Variants in PIK3R5 observed in about 807,000 individuals in gnomAD.
PIK3R5 encodes phosphoinositide-3-kinase regulatory subunit 5.
PIK3R5 carries 32 observed loss-of-function variants against 94.9 expected under a neutral mutation model. The ratio of observed to expected loss-of-function variants is 0.34; its 90% confidence interval spans 0.25 to 0.45. PIK3R5 has a LOEUF of 0.45. Among genes scored for constraint, PIK3R5 ranks in the 20% least tolerant of loss-of-function variants. The pLI, the probability that PIK3R5 is intolerant of heterozygous loss-of-function variation, is 1.00. For missense variants in PIK3R5, 853 were observed against 1,144.6 expected, an observed-to-expected ratio of 0.75 and a Z score of 3.68; for synonymous variants, 443 against 479.4, an observed-to-expected ratio of 0.92 and a Z score of 0.99.
At chr17:8,929,924 A>G (rs867911553) in intron 1 of PIK3R5, among the ~76,000 whole-genome samples, 4 of 152,218 alleles carry the variant, frequency 2.6e-5, no homozygotes, top group African/African-American at 7.2e-5. Context: ...CAATTCATTC[A>G]TGTAACCAAA....
At chr17:8,941,993 C>T (rs924524857) in intron 1 of PIK3R5, among the ~76,000 whole-genome samples, 4 of 152,146 alleles carry the variant, frequency 2.6e-5, no homozygotes, top group East Asian at 1.9e-4. Context: ...GTTAGATGGG[C>T]GTGGGGGCTT....
At chr17:8,934,014 C>T (rs186341404) in intron 1 of PIK3R5, among the ~76,000 whole-genome samples, 105 of 152,324 alleles carry the variant, frequency 6.9e-4, no homozygotes, top group African/African-American at 2.3e-3. Flanking sequence ...AAACTGAACG[C>T]TTTTCACCTA....
At chr17:8,942,645 G>A (rs571422453) in intron 1 of PIK3R5, among the ~76,000 whole-genome samples, 11 of 151,464 alleles carry the variant, frequency 7.3e-5, no homozygotes, top group Middle Eastern at 3.4e-3. Flanking sequence ...TCGCTCTGTC[G>A]CCCAGGCTGG....
At position 8,888,038 on chromosome 17, in the gene PIK3R5, TAATAATAATAA is replaced by T. The variant is rs1445529341; in HGVS notation, c.1616+122_1616+132del. The T allele has an allele frequency of 8.4e-6, 2 of 237,936 alleles. No homozygotes were observed. Among genetic ancestry groups the T allele is most frequent in the African/African-American group, 2.7e-5 (1 of 36,372 alleles). 14.7% of individuals were successfully genotyped at this position (237,936 alleles called of 1,614,324 possible). A position where few individuals can be genotyped will look rare whatever the true frequency, so the allele number is the denominator to read the frequency against. On this transcript the variant is annotated intron_variant, in intron 10 of 18. Coordinates refer to ENST00000447110, the MANE Select transcript of PIK3R5 (RefSeq NM_001142633.3). This position sits in a 1 kb window ranked among gnomAD's most constrained non-coding sequence, Gnocchi z 7.8. Reference sequence around the variant, plus strand: ...ATAATAATAATAATAATAATAATAATAATAATAATAAAATAAAAATAAATAAGGGAACTTTT... The same window carrying T: ...ATAATAATAATAATAATAATAATAATAATAAAAATAAATAAGGGAACTTTT...
At chr17:8,902,412 G>A (rs549607703) in intron 5 of PIK3R5, among the ~76,000 whole-genome samples, 105 of 151,608 alleles carry the variant, frequency 6.9e-4, no homozygotes, top group Non-Finnish European at 1.2e-3. Context: ...ATGCCACCAC[G>A]CCCAAATAAT....
Position 8,882,164 on chromosome 17 carries a change from C to T in PIK3R5, c.2206-283G>A, listed in dbSNP as rs11652165. The T allele has an allele frequency of 0.24, 102,194 of 434,460 alleles. 13,893 individuals carry two copies. Among genetic ancestry groups the T allele is most frequent in the Non-Finnish European group, 0.29 (68,719 of 235,912 alleles). 26.9% of individuals were successfully genotyped at this position (434,460 alleles called of 1,614,324 possible). A position where few individuals can be genotyped will look rare whatever the true frequency, so the allele number is the denominator to read the frequency against. On this transcript the variant is annotated intron_variant, in intron 15 of 18. Coordinates refer to ENST00000447110, the MANE Select transcript of PIK3R5 (RefSeq NM_001142633.3). The surrounding 1 kb of genome is among the most constrained non-coding windows in gnomAD (Gnocchi z 4.1). ...AGGGGTGGTCCTGAAGCTCTCCTGCCGGGCCCAGAGTGAAGAAGGGTTGGG... is the reference window on the plus strand; with the variant it reads ...AGGGGTGGTCCTGAAGCTCTCCTGCTGGGCCCAGAGTGAAGAAGGGTTGGG...
At position 8,917,482 on chromosome 17, in the gene PIK3R5, A is replaced by G. The variant is rs559459227; in HGVS notation, c.-13-5975T>C. 4.6e-5 allele frequency among the ~76,000 whole-genome samples: 7 copies of G among 152,330 alleles called. No individual in the cohort carries two copies. In the South Asian group the frequency reaches 8.3e-4, roughly 18 times the overall value. On this transcript the variant is annotated intron_variant, in intron 1 of 18. Transcript: ENST00000447110. ...CTTTGTAAAATGGTACTTTGACTGG[A>G]TACTGGTCAAAGTCAAAAATAAAAA... is the stretch of plus-strand genomic sequence containing the variant.
At chr17:8,946,646 C>A (rs73253101) in intron 1 of PIK3R5, among the ~76,000 whole-genome samples, 2,184 of 152,214 alleles carry the variant, frequency 0.014, 51 homozygotes, top group African/African-American at 0.05. Context: ...TAATACACTG[C>A]ACTTCATTTC....
At chr17:8,953,519 G>T (rs1567673042) in intron 1 of PIK3R5, among the ~76,000 whole-genome samples, 1 of 152,196 alleles carries the variant, frequency 6.6e-6, no homozygotes, top group Non-Finnish European at 1.5e-5. Context: ...ACAGGCTAAT[G>T]TGTTGAACTC....
chr17:8,909,296 CTTTT>C lies in PIK3R5; in HGVS notation c.104-126_104-123del. The stretch of plus-strand genomic sequence containing the variant: ...TTCTGTGGTATTGCACTGGAACACT[CTTTT>C]TTTTTTTTGAGACAGAGTCTTGCTC... On this transcript the variant is annotated intron_variant, in intron 2 of 18. Coordinates refer to ENST00000447110, the MANE Select transcript of PIK3R5 (RefSeq NM_001142633.3). This position sits in a 1 kb window ranked among gnomAD's most constrained non-coding sequence, Gnocchi z 4.3. 1 of 498,224 alleles carries C rather than the reference CTTTT, an allele frequency of 2.0e-6. No individual in the cohort carries two copies. Among genetic ancestry groups the C allele is most frequent in the Admixed American group, 3.2e-5 (1 of 31,708 alleles). 30.9% of individuals were successfully genotyped at this position (498,224 alleles called of 1,614,324 possible). A position where few individuals can be genotyped will look rare whatever the true frequency, so the allele number is the denominator to read the frequency against.
At chr17:8,957,935 T>C (rs1222477155) in intron 1 of PIK3R5, among the ~76,000 whole-genome samples, 1 of 152,070 alleles carries the variant, frequency 6.6e-6, no homozygotes, top group African/African-American at 2.4e-5. Flanking sequence ...GCTTCCAAAA[T>C]CATTTGCAAA....
chr17:8,888,903 C>T lies in PIK3R5; in HGVS notation c.896-12G>A, dbSNP rs769584507. On this transcript the variant is annotated splice_polypyrimidine_tract_variant and intron_variant, in intron 9 of 18. Transcript: ENST00000447110. This position sits in a 1 kb window ranked among gnomAD's most constrained non-coding sequence, Gnocchi z 7.8. Reference sequence around the variant, plus strand: ...TTCCTGCAGGATGTCTGCAGGGAAGCAAGGCCAGCACTGTCTGGGCGTCTG... The same window carrying T: ...TTCCTGCAGGATGTCTGCAGGGAAGTAAGGCCAGCACTGTCTGGGCGTCTG... 1 of 1,589,418 alleles carries T rather than the reference C, an allele frequency of 6.3e-7. No homozygotes were observed. The highest frequency in any genetic ancestry group is 1.1e-5 in the South Asian group (1 of 89,544).
chr17:8,941,102 G>A (rs918341427), intron 1 of PIK3R5, among the ~76,000 whole-genome samples: 9 of 152,216 alleles, frequency 5.9e-5, no homozygotes, highest in Admixed American at 5.9e-4. Context: ...GACAATGGGA[G>A]CCACTCCAGC....
At chr17:8,928,710 C>G (rs573354094) in intron 1 of PIK3R5, among the ~76,000 whole-genome samples, 1 of 152,092 alleles carries the variant, frequency 6.6e-6, no homozygotes, top group Non-Finnish European at 1.5e-5. Context: ...GGGAGAAAAA[C>G]TGAAATAATT....
chr17:8,890,998 A>T lies in PIK3R5; in HGVS notation c.483-86T>A. 1.5e-6 allele frequency: 2 copies of T among 1,315,010 alleles called. No homozygotes were observed. The highest frequency in any genetic ancestry group is 2.1e-6 in the Non-Finnish European group (2 of 955,164). 81.5% of individuals were successfully genotyped at this position (1,315,010 alleles called of 1,614,324 possible). A position where few individuals can be genotyped will look rare whatever the true frequency, so the allele number is the denominator to read the frequency against. On this transcript the variant is annotated intron_variant, in intron 6 of 18. Coordinates refer to ENST00000447110, the MANE Select transcript of PIK3R5 (RefSeq NM_001142633.3). The surrounding 1 kb of genome is among the most constrained non-coding windows in gnomAD (Gnocchi z 6.1). ...ACCCCCCTCGTGCCTGCTGGTGCTC[A>T]GCTCCACTGAGACCAGGGCCTCCTC... is the stretch of plus-strand genomic sequence containing the variant.
chr17:8,886,348 C>G lies in PIK3R5; in HGVS notation c.2035-26G>C, dbSNP rs368531300. ...CTGGAGAGGGCAGGAGCATGTACAT[C>G]AGTGTGAACCTCCTGGAGGGGCCCA... On this transcript the variant is annotated intron_variant, in intron 13 of 18. Transcript: ENST00000447110. 3.0e-4 allele frequency: 480 copies of G among 1,602,254 alleles called. 1 individual carries two copies. Among genetic ancestry groups the G allele is most frequent in the South Asian group, 6.6e-4 (60 of 90,822 alleles).
At chr17:8,941,932 T>C (rs545613126) in intron 1 of PIK3R5, among the ~76,000 whole-genome samples, 1 of 152,306 alleles carries the variant, frequency 6.6e-6, no homozygotes, top group South Asian at 2.1e-4. Context: ...TTCGGGAGGA[T>C]TTACATGTAT....
At chr17:8,899,679 T>C (rs1597387027) in intron 5 of PIK3R5, among the ~76,000 whole-genome samples, 4 of 152,250 alleles carry the variant, frequency 2.6e-5, no homozygotes, top group Admixed American at 2.6e-4. Flanking sequence ...CTGGCCTCCA[T>C]CCTAGCTCTT....
At chr17:8,958,712 G>A (rs910675770) in intron 1 of PIK3R5, among the ~76,000 whole-genome samples, 4 of 151,272 alleles carry the variant, frequency 2.6e-5, no homozygotes, top group Non-Finnish European at 4.4e-5. Flanking sequence ...TCCGTAGACT[G>A]TTTATATTCA....
Sources: gnomAD v4.1 joint callset for allele counts (sites outside exome capture counted in the v4.1 genomes callset) on GRCh38, gnomAD v4.1.1 for gene constraint, Gnocchi (gnomAD v3.1) non-coding constraint, MANE v1.5 for transcripts, NCBI Gene and HGNC (gene_info 2026-07-23, HGNC 2026-07-21) for gene names.